PPARGC1A: variants seen among roughly 807,000 people sequenced by gnomAD.
The protein encoded by PPARGC1A is PPARG coactivator 1 alpha, also known as peroxisome proliferator-activated receptor gamma coactivator 1-alpha.
PPARGC1A carries 25 observed loss-of-function variants against 88.7 expected under a neutral mutation model. The ratio of observed to expected loss-of-function variants is 0.28; its 90% confidence interval spans 0.21 to 0.39. PPARGC1A has a LOEUF of 0.39. Among genes scored for constraint, PPARGC1A ranks in the 10% least tolerant of loss-of-function variants. The pLI is 1.00. For synonymous variants in PPARGC1A, 363 were observed against 355.6 expected (o/e 1.02, Z -0.24); for missense variants, 880 against 968.7 (o/e 0.91, Z 1.22).
the PPARGC1A span, among the ~76,000 whole-genome samples, chr4:23,927,673 G>C: frequency 1.3e-5 from 2 of 152,072 alleles, no homozygotes; most frequent in Non-Finnish European, 2.9e-5. Flanking sequence ...CTGCTGTCTA[G>C]GCATTCCTAT....
chr4:23,952,565 C>G, the PPARGC1A span, among the ~76,000 whole-genome samples: 1 of 152,102 alleles, frequency 6.6e-6, no homozygotes, highest in Non-Finnish European at 1.5e-5. Context: ...AATGCTGTGT[C>G]CTCTTTTTTA....
At chr4:24,091,062 C>A in the PPARGC1A span, among the ~76,000 whole-genome samples, 6 of 152,112 alleles carry the variant, frequency 3.9e-5, no homozygotes, top group Admixed American at 3.3e-4. Context: ...AAAACCAAGC[C>A]CCTATTCTAA....
chr4:24,217,039 C>G, the PPARGC1A span, among the ~76,000 whole-genome samples: 2 of 152,150 alleles, frequency 1.3e-5, no homozygotes, highest in African/African-American at 4.8e-5. Flanking sequence ...TCTGGGGCAG[C>G]CTTCAGCAGA....
At chr4:24,355,341 A>C in the PPARGC1A span, among the ~76,000 whole-genome samples, 3 of 152,192 alleles carry the variant, frequency 2.0e-5, no homozygotes, top group Non-Finnish European at 4.4e-5. Flanking sequence ...ACAAACAAAC[A>C]AAAAAGGCAA....
the PPARGC1A span, among the ~76,000 whole-genome samples, chr4:24,107,419 C>G: frequency 6.6e-6 from 1 of 152,186 alleles, no homozygotes; most frequent in Non-Finnish European, 1.5e-5. Context: ...GACACATACT[C>G]CAAGACTCTT....
the PPARGC1A span, among the ~76,000 whole-genome samples, chr4:24,220,980 G>C: frequency 6.6e-6 from 1 of 151,950 alleles, no homozygotes; most frequent in East Asian, 2.0e-4. Context: ...CCCGTAACAA[G>C]ATGGTGGGGA....
At chr4:23,987,826 C>T in the PPARGC1A span, among the ~76,000 whole-genome samples, 2 of 152,056 alleles carry the variant, frequency 1.3e-5, no homozygotes, top group Middle Eastern at 6.8e-3. Flanking sequence ...TTCTGGGGTA[C>T]ATATGTAGAA....
intron 10 of PPARGC1A, among the ~76,000 whole-genome samples, chr4:23,806,832 T>C (rs998213846): frequency 2.6e-5 from 4 of 152,156 alleles, no homozygotes; most frequent in Non-Finnish European, 5.9e-5. Context: ...TCAAATAAAC[T>C]ACTCCTGATA....
At chr4:24,161,969 C>CAA in the PPARGC1A span, among the ~76,000 whole-genome samples, 2 of 52,380 alleles carry the variant, frequency 3.8e-5, no homozygotes, top group South Asian at 2.0e-3. Flanking sequence ...TATACACACA[C>CAA]ACACACACAC....
chr4:23,808,898 G>A (rs773727280), intron 10 of PPARGC1A, among the ~76,000 whole-genome samples: 15 of 151,704 alleles, frequency 9.9e-5, no homozygotes, highest in Non-Finnish European at 1.9e-4. Flanking sequence ...GCAGACAAAG[G>A]TTAAAAAGAT....
At chr4:24,218,926 C>T in the PPARGC1A span, among the ~76,000 whole-genome samples, 735 of 152,292 alleles carry the variant, frequency 4.8e-3, 29 homozygotes, top group East Asian at 0.095. Flanking sequence ...GCCCCAATGT[C>T]CTTGATTCTG....
the PPARGC1A span, among the ~76,000 whole-genome samples, chr4:24,242,686 T>C: frequency 6.6e-6 from 1 of 152,190 alleles, no homozygotes; most frequent in Non-Finnish European, 1.5e-5. Flanking sequence ...ATAGCCTTGA[T>C]GTTAAGATAA....
the PPARGC1A span, among the ~76,000 whole-genome samples, chr4:24,032,932 A>G: frequency 1.3e-5 from 2 of 152,232 alleles, no homozygotes; most frequent in Non-Finnish European, 2.9e-5. Flanking sequence ...CTCATTTGAT[A>G]TCTCAAAAAC....
the PPARGC1A span, among the ~76,000 whole-genome samples, chr4:24,306,788 C>T: frequency 1.3e-5 from 2 of 152,198 alleles, no homozygotes; most frequent in African/African-American, 4.8e-5. Flanking sequence ...TCTAGACCCT[C>T]TACAAAGTAG....
chr4:24,060,020 C>A, the PPARGC1A span, among the ~76,000 whole-genome samples: 1 of 152,176 alleles, frequency 6.6e-6, no homozygotes. Context: ...AGGCACCAGG[C>A]ACCAGAGAGC....
chr4:24,097,434 T>C, the PPARGC1A span, among the ~76,000 whole-genome samples: 1 of 152,308 alleles, frequency 6.6e-6, no homozygotes, highest in African/African-American at 2.4e-5. Context: ...ACTGCCCACG[T>C]TATACATTTC....
At chr4:23,906,280 T>C (rs1041318656), upstream of PPARGC1A, among the ~76,000 whole-genome samples, 3 of 151,656 alleles carry the variant, frequency 2.0e-5, no homozygotes, top group African/African-American at 7.3e-5. Context: ...AAGGCCGGAG[T>C]AAAACACATA....
chr4:24,351,574 T>C, the PPARGC1A span, among the ~76,000 whole-genome samples: 1 of 151,998 alleles, frequency 6.6e-6, no homozygotes, highest in Non-Finnish European at 1.5e-5. Context: ...AAAATCACAA[T>C]GCACATTAAA....
chr4:23,931,298 T>C, the PPARGC1A span, among the ~76,000 whole-genome samples: 1 of 151,770 alleles, frequency 6.6e-6, no homozygotes, highest in Non-Finnish European at 1.5e-5. Context: ...GGAATGTGAC[T>C]CTTGGCTAAG....
Sources: gnomAD v4.1 joint callset for allele counts (sites outside exome capture counted in the v4.1 genomes callset) on GRCh38, gnomAD v4.1.1 for gene constraint, MANE v1.5 for transcripts, NCBI Gene and HGNC (gene_info 2026-07-23, HGNC 2026-07-21) for gene names.